MTHFD1L: variants seen among roughly 807,000 people sequenced by gnomAD.
The protein encoded by MTHFD1L is monofunctional C1-tetrahydrofolate synthase, mitochondrial.
Under a neutral mutation model 119.5 loss-of-function variants are expected in MTHFD1L, and 81 were observed. That is an observed-to-expected ratio of 0.68 (90% CI 0.57 to 0.82). MTHFD1L has a LOEUF of 0.82. Among genes scored for constraint, MTHFD1L ranks in the 40% least tolerant of loss-of-function variants. MTHFD1L has a pLI of 0.00. For missense variants in MTHFD1L, 1,125 were observed against 1,253.4 expected (o/e 0.90, Z 1.55); for synonymous variants, 430 against 475.2 (o/e 0.90, Z 1.24).
At chr6:151,018,157 G>A (rs1284749658) in intron 24 of MTHFD1L, among the ~76,000 whole-genome samples, 1 of 152,138 alleles carries the variant, frequency 6.6e-6, no homozygotes, top group Non-Finnish European at 1.5e-5. Flanking sequence ...GGTAGTGCAT[G>A]ATTGTGGAGT....
intron 20 of MTHFD1L, among the ~76,000 whole-genome samples, chr6:150,973,720 G>A (rs1450125487): frequency 6.6e-6 from 1 of 152,168 alleles, no homozygotes; most frequent in Non-Finnish European, 1.5e-5. Flanking sequence ...CCCTCTGTGT[G>A]ACCTTGAACA....
chr6:151,034,585 T>A lies in MTHFD1L; in HGVS notation c.2679T>A (p.Asp893Glu). The A allele has an allele frequency of 6.2e-7, 1 of 1,608,806 alleles. No individual in the cohort carries two copies. Among genetic ancestry groups the A allele is most frequent in the Non-Finnish European group, 8.5e-7 (1 of 1,176,990 alleles). Residue 893 changes from aspartate (D) to glutamate (E), a missense_variant, in exon 25 of 28, where the codon GAT (aspartate) becomes GAA (glutamate). Physicochemically the swap from Asp to Glu is conservative, Grantham distance 45 (BLOSUM62 2). Transcript: ENST00000367321. ...CTCCTGAGGCACAAGCCAAAATAGA[T>A]CGTTACACTCAACAGGTAAAAGTTC... The part of the protein sequence containing the change: ...ELSPEAQAKI[D>E]RYTQQGFGNL...
chr6:150,995,949 C>T (rs572797808), intron 20 of MTHFD1L, among the ~76,000 whole-genome samples: 2 of 152,068 alleles, frequency 1.3e-5, no homozygotes, highest in Non-Finnish European at 2.9e-5. Context: ...GCGTGAGCCA[C>T]GGTGCCTGGC....
At chr6:150,916,737 C>CTTTTTTTTT (rs57961829) in intron 8 of MTHFD1L, among the ~76,000 whole-genome samples, 12 of 72,130 alleles carry the variant, frequency 1.7e-4, no homozygotes, top group African/African-American at 4.4e-4. Flanking sequence ...GATTCTATCC[C>CTTTTTTTTT]TTTTTTTTTT....
chr6:151,041,946 A>G (rs548305758), intron 26 of MTHFD1L: 178 of 394,002 alleles, frequency 4.5e-4, no homozygotes, highest in African/African-American at 3.5e-3. Context: ...TTTACTTTCC[A>G]TGTTCACTTA....
At chr6:150,949,187 G>T in intron 16 of MTHFD1L, 54 bp downstream of exon 16, 1 of 1,422,140 alleles carries the variant, frequency 7.0e-7, no homozygotes, top group South Asian at 1.2e-5. Context: ...AGGCGTGTTC[G>T]AGCCGAAGCG....
At chr6:151,073,261 A>G (rs1792135342) in intron 26 of MTHFD1L, among the ~76,000 whole-genome samples, 1 of 152,216 alleles carries the variant, frequency 6.6e-6, no homozygotes, top group South Asian at 2.1e-4. Flanking sequence ...CGTACTGATC[A>G]AAGTGTGGTT....
intron 15 of MTHFD1L, among the ~76,000 whole-genome samples, chr6:150,946,597 C>G (rs552169894): frequency 1.3e-5 from 2 of 152,080 alleles, no homozygotes; most frequent in Non-Finnish European, 2.9e-5. Context: ...GTTTCAGAGA[C>G]TAAAAAATAA....
intron 26 of MTHFD1L, among the ~76,000 whole-genome samples, chr6:151,069,251 T>TCTCTC (rs1791671966): frequency 3.1e-4 from 42 of 136,672 alleles, no homozygotes; most frequent in East Asian, 9.0e-4. Context: ...TTCTCTCTCT[T>TCTCTC]TCTCTCTCTC....
chr6:151,028,601 C>T (rs1265264918), intron 24 of MTHFD1L, among the ~76,000 whole-genome samples: 1 of 152,072 alleles, frequency 6.6e-6, no homozygotes, highest in Non-Finnish European at 1.5e-5. Flanking sequence ...CCTGTAGAGC[C>T]GTCACATTCA....
chr6:151,073,184 C>T (rs534456165), intron 26 of MTHFD1L, among the ~76,000 whole-genome samples: 1 of 152,220 alleles, frequency 6.6e-6, no homozygotes, highest in Non-Finnish European at 1.5e-5. Context: ...GGTGGAGGAC[C>T]GGAGAGGAGA....
At chr6:151,097,726 T>C (rs774628505) in intron 27 of MTHFD1L, among the ~76,000 whole-genome samples, 1 of 152,198 alleles carries the variant, frequency 6.6e-6, no homozygotes, top group Non-Finnish European at 1.5e-5. Flanking sequence ...TTTTGTATAC[T>C]TCAAAGTAAC....
intron 26 of MTHFD1L, among the ~76,000 whole-genome samples, chr6:151,086,930 C>A (rs1793859967): frequency 2.0e-5 from 3 of 152,248 alleles, no homozygotes; most frequent in South Asian, 4.1e-4. Context: ...TTAGTTACTT[C>A]ATTGAAAAGA....
At chr6:150,982,513 GTC>G (rs1378598713) in intron 20 of MTHFD1L, among the ~76,000 whole-genome samples, 1 of 152,146 alleles carries the variant, frequency 6.6e-6, no homozygotes, top group Non-Finnish European at 1.5e-5. Context: ...TCTTGTCCAT[GTC>G]TCTGAGATTT....
chr6:151,055,843 G>A (rs781449802), intron 26 of MTHFD1L: 1 of 152,116 alleles, frequency 6.6e-6, no homozygotes, highest in African/African-American at 2.4e-5. Flanking sequence ...TGATTCTATA[G>A]TCTTATTTTC....
intron 20 of MTHFD1L, among the ~76,000 whole-genome samples, chr6:151,005,324 A>G (rs1562525288): frequency 6.6e-6 from 1 of 152,148 alleles, no homozygotes; most frequent in Non-Finnish European, 1.5e-5. Context: ...CTGATTACAC[A>G]TCAGCATACC....
intron 24 of MTHFD1L, among the ~76,000 whole-genome samples, chr6:151,017,606 A>G (rs868757002): frequency 7.2e-5 from 11 of 152,082 alleles, no homozygotes; most frequent in South Asian, 2.1e-4. Context: ...CGGCTTCCCA[A>G]AGTGCTGGGA....
chr6:150,956,138 A>G (rs1200295808), intron 17 of MTHFD1L, 67 bp downstream of exon 17: 1 of 1,491,622 alleles, frequency 6.7e-7, no homozygotes, highest in Non-Finnish European at 9.3e-7. Context: ...CTGGGAGCTC[A>G]CTCTTTGCCT....
chr6:151,046,471 G>GTA (rs1156377344), intron 26 of MTHFD1L, among the ~76,000 whole-genome samples: 1,337 of 36,058 alleles, frequency 0.037, 4 homozygotes, highest in Non-Finnish European at 0.063. Context: ...ATGTGTGTGT[G>GTA]TATATATATA....
Sources: gnomAD v4.1 joint callset for allele counts (sites outside exome capture counted in the v4.1 genomes callset) on GRCh38, gnomAD v4.1.1 for gene constraint, MANE v1.5 for transcripts, NCBI Gene and HGNC (gene_info 2026-07-23, HGNC 2026-07-21) for gene names.